Variants in LRP1B observed in about 807,000 individuals in gnomAD.
LRP1B encodes LDL receptor related protein 1B.
Under a neutral mutation model 556.6 loss-of-function variants are expected in LRP1B, and 217 were observed. The observed-to-expected ratio is 0.39, with a 90% CI of 0.35 to 0.44. The LOEUF (loss-of-function observed/expected upper bound fraction) is 0.44, where lower values mean the gene tolerates loss of function less well. Ranked by LOEUF, LRP1B falls within the 20% of genes least tolerant of loss-of-function variation. The pLI is 1.00. For missense variants in LRP1B, 5,053 were observed against 5,620.8 expected, an observed-to-expected ratio of 0.90 and a Z score of 3.23; for synonymous variants, 2,047 against 1,865.8, an observed-to-expected ratio of 1.10 and a Z score of -2.50.
intron 41 of LRP1B, among the ~76,000 whole-genome samples, chr2:140,675,462 A>T (rs1685637887): frequency 6.6e-6 from 1 of 152,220 alleles, no homozygotes; most frequent in African/African-American, 2.4e-5. Context: ...TATAAAATAC[A>T]TTTGATTAAG....
chr2:141,801,578 C>A (rs765267195), intron 2 of LRP1B, among the ~76,000 whole-genome samples: 1 of 152,148 alleles, frequency 6.6e-6, no homozygotes, highest in African/African-American at 2.4e-5. Context: ...TTTGGAGCAA[C>A]CCATCATCTA....
intron 43 of LRP1B, among the ~76,000 whole-genome samples, chr2:140,595,984 T>C (rs999591071): frequency 6.6e-6 from 1 of 152,168 alleles, no homozygotes; most frequent in Non-Finnish European, 1.5e-5. Context: ...AAATGAATAA[T>C]AAGCATTTAG....
chr2:141,023,015 A>T (rs1292142376), intron 11 of LRP1B, among the ~76,000 whole-genome samples: 1 of 151,880 alleles, frequency 6.6e-6, no homozygotes, highest in Non-Finnish European at 1.5e-5. Context: ...TAAGAAAAAA[A>T]AATTCCAGTA....
chr2:141,102,856 ATTCT>A (rs1317935237), intron 7 of LRP1B, among the ~76,000 whole-genome samples: 1 of 152,092 alleles, frequency 6.6e-6, no homozygotes, highest in African/African-American at 2.4e-5. Context: ...GATAATAAAA[ATTCT>A]TTATTTATGA....
At position 140,868,332 on chromosome 2, in the gene LRP1B, G is replaced by A. The variant is rs1379535188; in HGVS notation, c.4170-69C>T. ...CATTCATTTCACAGATATTTATTGA[G>A]TGCCTACCATATGCTAGGCACTGGA... On this transcript the variant is annotated intron_variant, in intron 25 of 90. Coordinates refer to ENST00000389484, the MANE Select transcript of LRP1B (RefSeq NM_018557.3). The A allele has an allele frequency of 1.0e-5, 14 of 1,399,976 alleles. No homozygotes were observed. In the East Asian group the frequency reaches 3.5e-4, roughly 35 times the overall value. The allele number at this position is 1,399,976 out of a possible 1,614,324, so 86.7% of individuals were successfully genotyped here.
rs1474070216 is a variant in LRP1B at position 141,841,109 on chromosome 2, A to C, written c.83-30708T>G. 2.6e-5 allele frequency among the ~76,000 whole-genome samples: 4 copies of C among 152,174 alleles called. No homozygotes were observed. The South Asian group carries it at 6.2e-4, about 24-fold the overall frequency. On this transcript the variant is annotated intron_variant, in intron 1 of 90. Coordinates refer to ENST00000389484, the MANE Select transcript of LRP1B (RefSeq NM_018557.3). The stretch of plus-strand genomic sequence containing the variant: ...TCTGGGTTAATGTAGGTTTGTTAAA[A>C]ATTAGCTCTTTATTTAAATTTTTTA...
intron 32 of LRP1B, among the ~76,000 whole-genome samples, chr2:140,799,680 A>T (rs1453330537): frequency 6.6e-6 from 1 of 152,222 alleles, no homozygotes; most frequent in Non-Finnish European, 1.5e-5. Flanking sequence ...ATCTCAGTGC[A>T]TATATAACTT....
At chr2:140,737,096 T>C (rs932934090) in intron 35 of LRP1B, among the ~76,000 whole-genome samples, 14 of 151,952 alleles carry the variant, frequency 9.2e-5, no homozygotes, top group Middle Eastern at 3.2e-3. Flanking sequence ...CAGAGGGTGG[T>C]TGCCCCAATA....
chr2:141,046,943 A>G (rs1420255159), intron 11 of LRP1B, among the ~76,000 whole-genome samples: 1 of 143,562 alleles, frequency 7.0e-6, no homozygotes, highest in Non-Finnish European at 1.5e-5. Context: ...TTAGTCAGGC[A>G]TGATGGTGCA....
chr2:141,609,498 G>A (rs78470133), intron 2 of LRP1B, among the ~76,000 whole-genome samples: 3,603 of 152,230 alleles, frequency 0.024, 140 homozygotes, highest in African/African-American at 0.083. Flanking sequence ...AAGATAATAA[G>A]TCAATGAAAT....
At chr2:141,880,022 C>G (rs1293465195) in intron 1 of LRP1B, among the ~76,000 whole-genome samples, 1 of 144,670 alleles carries the variant, frequency 6.9e-6, no homozygotes, top group East Asian at 2.1e-4. Context: ...CCCTCCCATA[C>G]TTCAGCTAAT....
chr2:140,829,973 C>T (rs533307073), intron 31 of LRP1B, among the ~76,000 whole-genome samples: 6 of 151,796 alleles, frequency 4.0e-5, no homozygotes, highest in South Asian at 2.1e-4. Flanking sequence ...GGGACTATTA[C>T]GAACAACTAA....
At chr2:140,276,011 A>T (rs2104955706) in intron 84 of LRP1B, among the ~76,000 whole-genome samples, 1 of 152,102 alleles carries the variant, frequency 6.6e-6, no homozygotes, top group South Asian at 2.1e-4. Context: ...TATTGAAATT[A>T]ATAATATAAA....
chr2:141,308,274 CAA>C (rs1553491985), intron 3 of LRP1B, among the ~76,000 whole-genome samples: 1 of 152,106 alleles, frequency 6.6e-6, no homozygotes, highest in Non-Finnish European at 1.5e-5. Flanking sequence ...TAAACAACAA[CAA>C]CAAAACCTCA....
At chr2:142,062,949 T>C (rs1704976255) in intron 1 of LRP1B, among the ~76,000 whole-genome samples, 1 of 150,958 alleles carries the variant, frequency 6.6e-6, no homozygotes, top group African/African-American at 2.4e-5. Flanking sequence ...GTATTAGCTC[T>C]ATCTAAAAGA....
chr2:141,783,321 G>A (rs1461091792), intron 2 of LRP1B, among the ~76,000 whole-genome samples: 1 of 151,978 alleles, frequency 6.6e-6, no homozygotes, highest in Non-Finnish European at 1.5e-5. Context: ...TCATTTATGG[G>A]CTTGCTGGGT....
rs1686595908 is a variant in LRP1B at position 140,700,534 on chromosome 2, T to C, written c.6515A>G (p.His2172Arg). The C allele has an allele frequency of 1.2e-6, 2 of 1,613,464 alleles. No individual in the cohort carries two copies. Among genetic ancestry groups the C allele is most frequent in the Admixed American group, 1.7e-5 (1 of 59,904 alleles). ...GNSRRTCACA[H>R]GYLAEDGVTC... ...AACTCCATCTTCTGCCAAATATCCA[T>C]GGGCACAAGCACAAGTTCTCCGGGA... The change falls in exon 41 of 91, where the codon CAT (histidine) becomes CGT (arginine). Residue 2172 changes from histidine (H) to arginine (R), a missense_variant. By Grantham distance (29) the His-to-Arg change is conservative (BLOSUM62 0). Around this residue, in one of 5 missense-constraint regions of LRP1B, gnomAD observed 3,619 missense variants for 3,931.9 expected, o/e 0.92. Transcript: ENST00000389484.
At chr2:141,469,056 A>G (rs1206214621) in intron 3 of LRP1B, among the ~76,000 whole-genome samples, 1 of 152,200 alleles carries the variant, frequency 6.6e-6, no homozygotes, top group Non-Finnish European at 1.5e-5. Flanking sequence ...TCTTAATCGC[A>G]AGCCTAATGG....
At chr2:141,848,264 T>C (rs1697722828) in intron 1 of LRP1B, among the ~76,000 whole-genome samples, 1 of 151,532 alleles carries the variant, frequency 6.6e-6, no homozygotes, top group East Asian at 1.9e-4. Context: ...TTCCAACCAT[T>C]GGTATAAACT....
Sources: gnomAD v4.1 joint callset for allele counts (sites outside exome capture counted in the v4.1 genomes callset) on GRCh38, gnomAD v4.1.1 for gene constraint, gnomAD v4.1.1 regional missense constraint, MANE v1.5 for transcripts, NCBI Gene and HGNC (gene_info 2026-07-23, HGNC 2026-07-21) for gene names.